The following TUT4 variants were observed in gnomAD, a reference collection of about 807,000 sequenced individuals.
TUT4 encodes the protein terminal uridylyltransferase 4.
In TUT4, 36 loss-of-function variants were observed where a neutral mutation model predicts 192.2. That is an observed-to-expected ratio of 0.19 (90% CI 0.14 to 0.25). The LOEUF (loss-of-function observed/expected upper bound fraction) is 0.25, where lower values mean the gene tolerates loss of function less well. Ranked by LOEUF, TUT4 falls within the 10% of genes least tolerant of loss-of-function variation. The pLI, the probability that TUT4 is intolerant of heterozygous loss-of-function variation, is 1.00. For synonymous variants in TUT4, 618 were observed against 666.0 expected (o/e 0.93, Z 1.11); for missense variants, 1,493 against 1,957.2 (o/e 0.76, Z 4.47).
At chr1:52,493,129 G>A (rs1671597010) in intron 7 of TUT4, among the ~76,000 whole-genome samples, 1 of 152,188 alleles carries the variant, frequency 6.6e-6, no homozygotes, top group African/African-American at 2.4e-5. Flanking sequence ...TGCCGCCCAG[G>A]CTGGAGTGTA....
chr1:52,479,819 C>G lies in TUT4; in HGVS notation c.1848+1604G>C, dbSNP rs183541631. Among the ~76,000 whole-genome samples the G allele has an allele frequency of 9.4e-3, 1,422 of 151,710 alleles. 9 individuals are homozygous for G. The highest frequency in any genetic ancestry group is 0.017 in the Admixed American group (252 of 15,244). ...ACCATCCTGGCTAACACGGTGAAAC[C>G]CCATCTCTACTAAAAATACAAAAAA... is the stretch of plus-strand genomic sequence containing the variant. On this transcript the variant is annotated intron_variant, in intron 11 of 29. Transcript: ENST00000257177.
Position 52,437,166 on chromosome 1 carries a change from TA to T in TUT4, c.3939-189del, listed in dbSNP as rs1654040768. ...GGAACTCGGTTTTCCAGTAGTTTTGTAAAACAATATTATATTAAATTTTTTA... is the reference window on the plus strand; with the variant it reads ...GGAACTCGGTTTTCCAGTAGTTTTGTAAACAATATTATATTAAATTTTTTA... On this transcript the variant is annotated intron_variant, in intron 25 of 29. Coordinates refer to ENST00000257177, the MANE Select transcript of TUT4 (RefSeq NM_001009881.3). 3 of 648,116 alleles carry T rather than the reference TA, an allele frequency of 4.6e-6. No homozygotes were observed. The South Asian group carries it at 8.8e-5, about 19-fold the overall frequency. 40.1% of individuals were successfully genotyped at this position (648,116 alleles called of 1,614,324 possible).
intron 2 of TUT4, among the ~76,000 whole-genome samples, chr1:52,517,354 T>A (rs534869772): frequency 6.6e-6 from 1 of 152,364 alleles, no homozygotes; most frequent in South Asian, 2.1e-4. Context: ...TGAATCTGGA[T>A]GTATCTACAA....
At chr1:52,466,682 A>AT (rs1553174161) in intron 15 of TUT4, among the ~76,000 whole-genome samples, 2 of 123,830 alleles carry the variant, frequency 1.6e-5, no homozygotes. Context: ...ATATATATAT[A>AT]TTTTTGAGAC....
chr1:52,527,736 G>C (rs901753769), intron 1 of TUT4, among the ~76,000 whole-genome samples: 1 of 152,018 alleles, frequency 6.6e-6, no homozygotes, highest in Non-Finnish European at 1.5e-5. Flanking sequence ...GTATCAATGC[G>C]GGCCAATGTA....
intron 13 of TUT4, 91 bp from the exon 14 acceptor site, chr1:52,472,193 C>T: frequency 2.4e-6 from 3 of 1,226,998 alleles, no homozygotes; most frequent in Non-Finnish European, 2.2e-6. Flanking sequence ...TTTTATGTAA[C>T]TCAGTTTTGA....
At chr1:52,448,384 T>TC (rs1428867160) in intron 20 of TUT4, among the ~76,000 whole-genome samples, 1 of 152,030 alleles carries the variant, frequency 6.6e-6, no homozygotes, top group Non-Finnish European at 1.5e-5. Flanking sequence ...GGTCAGGAGT[T>TC]CAAGACCAGC....
At chr1:52,438,598 T>TA (rs1483790454) in intron 24 of TUT4, among the ~76,000 whole-genome samples, 3 of 152,192 alleles carry the variant, frequency 2.0e-5, no homozygotes, top group African/African-American at 7.2e-5. Flanking sequence ...ATAAAGTAGA[T>TA]ACTATTTTCA....
At position 52,436,741 on chromosome 1, in the gene TUT4, C is replaced by T; in HGVS notation, c.4162+14G>A. The T allele has an allele frequency of 6.2e-7, 1 of 1,612,462 alleles. No individual in the cohort carries two copies. Among genetic ancestry groups the T allele is most frequent in the Non-Finnish European group, 8.5e-7 (1 of 1,179,892 alleles). On this transcript the variant is annotated intron_variant, in intron 26 of 29. Transcript: ENST00000257177. ...CGTTTCTACCAGAAACTATGTTTGG[C>T]CTTTTCTATTTACCTGCCACACTGC...
chr1:52,451,850 A>C (rs1376895017), intron 20 of TUT4, among the ~76,000 whole-genome samples: 7 of 151,900 alleles, frequency 4.6e-5, no homozygotes, highest in Admixed American at 4.6e-4. Flanking sequence ...CTCAAAAAAA[A>C]AAAAAAGACA....
chr1:52,530,169 A>T (rs543620353), intron 1 of TUT4, among the ~76,000 whole-genome samples: 27 of 152,042 alleles, frequency 1.8e-4, no homozygotes, highest in African/African-American at 6.0e-4. Flanking sequence ...ATATAACTAA[A>T]AATACATTTA....
At chr1:52,550,678 A>G (rs1689209526) in intron 1 of TUT4, among the ~76,000 whole-genome samples, 4 of 152,070 alleles carry the variant, frequency 2.6e-5, no homozygotes, top group Admixed American at 2.6e-4. Flanking sequence ...ATTTTTTGGC[A>G]GTGACAAAGT....
rs758996610 is a variant in TUT4, at chr1:52,435,428, C to G, written c.4200G>C (p.Gln1400His). The G allele has an allele frequency of 8.1e-6, 13 of 1,614,030 alleles. No homozygotes were observed. In the Middle Eastern group the frequency reaches 4.9e-4, roughly 61 times the overall value. The change falls in exon 27 of 30, where the codon CAG becomes CAC. Residue 1400 changes from glutamine to histidine, a missense_variant. Coordinates refer to ENST00000257177, the MANE Select transcript of TUT4 (RefSeq NM_001009881.3). Reference protein sequence around the residue: ...QLVRNLVNAQQVAGSAQQQGD... With the variant: ...QLVRNLVNAQHVAGSAQQQGD... Reference sequence around the variant, plus strand: ...CCTGTTGCTGAGCTGAACCAGCCACCTGTTGAGCATTTACAAGGTTGCGGA... The same window carrying G: ...CCTGTTGCTGAGCTGAACCAGCCACGTGTTGAGCATTTACAAGGTTGCGGA...
chr1:52,506,530 T>G (rs1675621958), intron 4 of TUT4, among the ~76,000 whole-genome samples: 1 of 152,198 alleles, frequency 6.6e-6, no homozygotes, highest in Non-Finnish European at 1.5e-5. Flanking sequence ...TTCACTCTGG[T>G]GGTTTCCACT....
rs535524933 is a variant in TUT4, at chr1:52,547,752, G to A, written c.-94+5179C>T. On this transcript the variant is annotated intron_variant, in intron 1 of 29. Transcript: ENST00000257177. ...CTTGAAAACATTAAGTTCAGTGAAAGAAGCCAGGCACAAAAAGCCACATAC... is the reference window on the plus strand; with the variant it reads ...CTTGAAAACATTAAGTTCAGTGAAAAAAGCCAGGCACAAAAAGCCACATAC... Among the ~76,000 whole-genome samples the A allele has an allele frequency of 1.2e-4, 19 of 152,302 alleles. No homozygotes were observed. In the East Asian group the frequency reaches 3.5e-3, roughly 28 times the overall value.
At chr1:52,514,687 TTTCC>T (rs1314298992) in intron 3 of TUT4, 1 of 152,236 alleles carries the variant, frequency 6.6e-6, no homozygotes, top group African/African-American at 2.4e-5. Flanking sequence ...ATACCATTTC[TTTCC>T]TTATTTATCA....
Position 52,498,409 on chromosome 1 carries a change from A to C in TUT4, c.1000-1226T>G, listed in dbSNP as rs539469399. Among the ~76,000 whole-genome samples the C allele has an allele frequency of 4.6e-5, 7 of 151,910 alleles. No individual in the cohort carries two copies. In the South Asian group the frequency reaches 1.5e-3, roughly 32 times the overall value. ...CAGGCACCCGCCACCTCGCCTGGCT[A>C]ATTTTTTTGTATTTTTAGTAGAGAT... On this transcript the variant is annotated intron_variant, in intron 4 of 29. Transcript: ENST00000257177.
intron 4 of TUT4, 121 bp from the exon 5 acceptor site, chr1:52,497,304 C>A: frequency 2.0e-6 from 2 of 989,546 alleles, no homozygotes; most frequent in Non-Finnish European, 2.9e-6. Context: ...CTTCCATCTA[C>A]CAGATACCTA....
chr1:52,494,595 G>A (rs1269297964), intron 6 of TUT4, among the ~76,000 whole-genome samples: 1 of 152,208 alleles, frequency 6.6e-6, no homozygotes, highest in Non-Finnish European at 1.5e-5. Context: ...AGGAGGCTGA[G>A]ACAGGAGAAT....
Sources: allele counts gnomAD v4.1 joint callset (sites outside exome capture counted in the v4.1 genomes callset), GRCh38; gene constraint gnomAD v4.1.1; transcripts MANE v1.5; gene names NCBI Gene and HGNC (gene_info 2026-07-23, HGNC 2026-07-21).